Variants in RERE observed in about 807,000 individuals in gnomAD.
RERE encodes arginine-glutamic acid dipeptide repeats protein.
A neutral mutation model predicts 146.1 loss-of-function variants in RERE; 40 were observed. That is an observed-to-expected ratio of 0.27 (90% confidence interval 0.21 to 0.36). The LOEUF (loss-of-function observed/expected upper bound fraction) is 0.36. Ranked by LOEUF, RERE falls within the 10% of genes least tolerant of loss-of-function variation. RERE has a pLI of 1.00. For synonymous variants in RERE, 1,003 were observed against 866.0 expected (o/e 1.16, Z -2.78); for missense variants, 1,933 against 2,138.7 (o/e 0.90, Z 1.90).
intron 7 of RERE, chr1:8,525,701 T>C: frequency 6.6e-7 from 1 of 1,516,174 alleles, no homozygotes; most frequent in Non-Finnish European, 8.9e-7. Flanking sequence ...CCTTCAGAAG[T>C]GAGAAAGAGC....
intron 3 of RERE, among the ~76,000 whole-genome samples, chr1:8,619,064 T>C (rs1646888251): frequency 2.0e-5 from 3 of 152,192 alleles, no homozygotes; most frequent in African/African-American, 7.2e-5. Context: ...GAGAGGGATA[T>C]GGTATTAAAC....
intron 12 of RERE, among the ~76,000 whole-genome samples, chr1:8,398,342 T>G (rs966180511): frequency 1.3e-5 from 2 of 152,166 alleles, no homozygotes; most frequent in African/African-American, 4.8e-5. Flanking sequence ...TAGTACTGAG[T>G]GTGGCTGATG....
intron 6 of RERE, among the ~76,000 whole-genome samples, chr1:8,542,914 G>A (rs371585349): frequency 2.6e-5 from 4 of 152,292 alleles, no homozygotes; most frequent in Admixed American, 6.5e-5. Context: ...CTACAGAATA[G>A]AAAGTATTCC....
intron 2 of RERE, among the ~76,000 whole-genome samples, chr1:8,636,278 G>A (rs1242970662): frequency 4.0e-5 from 6 of 151,574 alleles, no homozygotes; most frequent in South Asian, 2.1e-4. Context: ...GTAAGCCACC[G>A]CACCCGGCCA....
At chr1:8,629,129 C>T (rs1647006812) in intron 2 of RERE, among the ~76,000 whole-genome samples, 1 of 152,060 alleles carries the variant, frequency 6.6e-6, no homozygotes, top group African/African-American at 2.4e-5. Flanking sequence ...TGTAATGGGC[C>T]AGAAAAATGA....
chr1:8,690,988 C>T (rs1034500033), intron 1 of RERE, among the ~76,000 whole-genome samples: 10 of 152,222 alleles, frequency 6.6e-5, no homozygotes, highest in African/African-American at 2.4e-4. Flanking sequence ...ACCTCTGCCT[C>T]CCAGGTTCAA....
chr1:8,452,818 T>C (rs987623594), intron 11 of RERE, among the ~76,000 whole-genome samples: 4 of 152,204 alleles, frequency 2.6e-5, no homozygotes, highest in South Asian at 2.1e-4. Flanking sequence ...GACAAAAATG[T>C]TTGCTCTTCA....
intron 1 of RERE, among the ~76,000 whole-genome samples, chr1:8,748,171 C>G (rs1640461307): frequency 6.6e-6 from 1 of 152,142 alleles, no homozygotes; most frequent in South Asian, 2.1e-4. Context: ...CCCTTATTTA[C>G]CTCTACCATT....
intron 10 of RERE, among the ~76,000 whole-genome samples, chr1:8,468,411 G>A (rs374402897): frequency 6.6e-6 from 1 of 152,066 alleles, no homozygotes; most frequent in Non-Finnish European, 1.5e-5. Context: ...TATAATCACA[G>A]GTCAACGTGG....
At chr1:8,701,189 T>C (rs943289376) in intron 1 of RERE, among the ~76,000 whole-genome samples, 1 of 152,058 alleles carries the variant, frequency 6.6e-6, no homozygotes, top group African/African-American at 2.4e-5. Flanking sequence ...TACTGATACG[T>C]TGATGGGGTT....
intron 1 of RERE, among the ~76,000 whole-genome samples, chr1:8,756,399 C>T (rs1011792833): frequency 6.6e-6 from 1 of 152,098 alleles, no homozygotes; most frequent in Non-Finnish European, 1.5e-5. Context: ...AATTCTAGTG[C>T]TATATAATAT....
chr1:8,591,576 T>C (rs1646494638), intron 4 of RERE, among the ~76,000 whole-genome samples: 1 of 152,116 alleles, frequency 6.6e-6, no homozygotes, highest in African/African-American at 2.4e-5. Context: ...CAAATCCAGT[T>C]AGTGACTGGA....
intron 12 of RERE, among the ~76,000 whole-genome samples, chr1:8,377,936 T>C (rs1052648545): frequency 2.0e-5 from 3 of 152,208 alleles, no homozygotes; most frequent in African/African-American, 7.2e-5. Context: ...AAAATGTTTT[T>C]GTATTGGAAG....
rs544251353 is a variant in RERE at position 8,530,732 on chromosome 1, C to T, written c.830+10482G>A. Among the ~76,000 whole-genome samples, 1,052 of 141,882 alleles carry T rather than the reference C, an allele frequency of 7.4e-3. 11 individuals carry two copies. The highest frequency in any genetic ancestry group is 0.012 in the Non-Finnish European group (762 of 66,208). 93.1% of individuals were successfully genotyped at this position (141,882 alleles called of 152,430 possible). On this transcript the variant is annotated intron_variant, in intron 7 of 22. Coordinates refer to ENST00000400908, the MANE Select transcript of RERE (RefSeq NM_001042681.2). ...CGGAGTCTCGCTCTGTCGCCCAGGC[C>T]GGACTGCGGACTGCAGTGGCGCAAT...
chr1:8,468,441 A>T (rs1004720298), intron 10 of RERE, among the ~76,000 whole-genome samples: 7 of 152,228 alleles, frequency 4.6e-5, no homozygotes, highest in Non-Finnish European at 8.8e-5. Context: ...GAATAAAAGG[A>T]AGAATTACAT....
chr1:8,422,612 C>A, intron 12 of RERE, 115 bp downstream of exon 12: 2 of 730,650 alleles, frequency 2.7e-6, no homozygotes, highest in Admixed American at 2.4e-5. Context: ...TGGAGGCCAG[C>A]CCGAGTCTGA....
chr1:8,677,271 A>G (rs1366513490), intron 1 of RERE, among the ~76,000 whole-genome samples: 1 of 152,000 alleles, frequency 6.6e-6, no homozygotes, highest in Non-Finnish European at 1.5e-5. Context: ...CTCTATTAAA[A>G]ATACAAAATT....
chr1:8,660,843 GA>G (rs1310916470), intron 1 of RERE, among the ~76,000 whole-genome samples: 1 of 152,170 alleles, frequency 6.6e-6, no homozygotes, highest in Non-Finnish European at 1.5e-5. Flanking sequence ...ATAAGAAAAG[GA>G]AGAAAATCTA....
chr1:8,405,171 C>T (rs1021399143), intron 12 of RERE, among the ~76,000 whole-genome samples: 17 of 152,170 alleles, frequency 1.1e-4, no homozygotes, highest in East Asian at 5.8e-4. Flanking sequence ...CTGCTGGTAG[C>T]GGTATGCCAA....
Sources: allele counts gnomAD v4.1 joint callset (sites outside exome capture counted in the v4.1 genomes callset), GRCh38; gene constraint gnomAD v4.1.1; transcripts MANE v1.5; gene names NCBI Gene and HGNC (gene_info 2026-07-23, HGNC 2026-07-21).